Variants in ASIC2 observed in about 807,000 individuals in gnomAD.
ASIC2 encodes the protein acid sensing ion channel subunit 2, also known as acid-sensing ion channel 2.
ASIC2 carries 25 observed loss-of-function variants against 57.3 expected under a neutral mutation model. The observed-to-expected ratio is 0.44, with a 90% CI of 0.32 to 0.61. ASIC2 has a LOEUF of 0.61. Among genes scored for constraint, ASIC2 ranks in the 20% least tolerant of loss-of-function variants. The pLI is 0.06. For missense variants in ASIC2, 641 were observed against 738.1 expected, an observed-to-expected ratio of 0.87 and a Z score of 1.52; for synonymous variants, 319 against 307.5, an observed-to-expected ratio of 1.04 and a Z score of -0.39.
chr17:33,944,544 G>A (rs1916264103), intron 1 of ASIC2, among the ~76,000 whole-genome samples: 1 of 152,184 alleles, frequency 6.6e-6, no homozygotes, highest in African/African-American at 2.4e-5. Context: ...GGATGGAGAG[G>A]AGAACCTGTG....
Position 33,235,904 on chromosome 17 carries a change from T to A in ASIC2, c.708+55504A>T, listed in dbSNP as rs188575793. On this transcript the variant is annotated intron_variant, in intron 1 of 9. Transcript: ENST00000225823. ...CAGGCTGGAGTGCAATGGTGCAATCTCAGCTCACTGCGACCTCCTCCTCCC... is the reference window on the plus strand; with the variant it reads ...CAGGCTGGAGTGCAATGGTGCAATCACAGCTCACTGCGACCTCCTCCTCCC... 1.5e-3 allele frequency among the ~76,000 whole-genome samples: 222 copies of A among 151,606 alleles called. 1 individual carries two copies. Among genetic ancestry groups the A allele is most frequent in the Non-Finnish European group, 2.9e-3 (198 of 67,794 alleles).
At chr17:33,187,875 C>T (rs1390019895) in intron 1 of ASIC2, among the ~76,000 whole-genome samples, 1 of 146,658 alleles carries the variant, frequency 6.8e-6, no homozygotes, top group African/African-American at 2.5e-5. Flanking sequence ...ATTCATAACG[C>T]CTGACAGCCA....
At chr17:33,593,526 T>C (rs567482185) in intron 1 of ASIC2, among the ~76,000 whole-genome samples, 1 of 152,342 alleles carries the variant, frequency 6.6e-6, no homozygotes, top group African/African-American at 2.4e-5. Context: ...AAAGCTCAGG[T>C]TGCAATCTCA....
intron 1 of ASIC2, among the ~76,000 whole-genome samples, chr17:33,754,766 C>T (rs534081953): frequency 1.3e-5 from 2 of 151,914 alleles, no homozygotes; most frequent in East Asian, 3.9e-4. Flanking sequence ...ACCATCCTGG[C>T]CAACATGGTG....
chr17:33,722,333 A>C (rs1051820368), intron 1 of ASIC2, among the ~76,000 whole-genome samples: 1 of 152,258 alleles, frequency 6.6e-6, no homozygotes, highest in African/African-American at 2.4e-5. Context: ...TGAGTCAATT[A>C]AACCTCTTTC....
At chr17:33,589,081 A>G (rs1251917644) in intron 1 of ASIC2, among the ~76,000 whole-genome samples, 1 of 152,232 alleles carries the variant, frequency 6.6e-6, no homozygotes, top group Non-Finnish European at 1.5e-5. Context: ...TGCCACGTAT[A>G]TCAGATTCAT....
At chr17:33,228,291 A>T (rs1597640338) in intron 1 of ASIC2, among the ~76,000 whole-genome samples, 1 of 152,358 alleles carries the variant, frequency 6.6e-6, no homozygotes, top group East Asian at 1.9e-4. Flanking sequence ...AGGGCTACTG[A>T]ATCGAACACT....
chr17:33,074,633 T>C (rs1323087294), intron 3 of ASIC2, among the ~76,000 whole-genome samples: 1 of 152,210 alleles, frequency 6.6e-6, no homozygotes, highest in East Asian at 1.9e-4. Flanking sequence ...GCAGGCAGTA[T>C]TGCTCAATGG....
intron 1 of ASIC2, among the ~76,000 whole-genome samples, chr17:33,258,831 T>A (rs75569376): frequency 1.3e-5 from 2 of 152,200 alleles, no homozygotes; most frequent in African/African-American, 4.8e-5. Context: ...CCCAAGACCA[T>A]CTGGCTTCAA....
At chr17:33,395,601 CATCT>C (rs749684318) in intron 1 of ASIC2, among the ~76,000 whole-genome samples, 1 of 152,200 alleles carries the variant, frequency 6.6e-6, no homozygotes, top group Non-Finnish European at 1.5e-5. Flanking sequence ...TCTGTCCATC[CATCT>C]ATTTGTCCAT....
intron 1 of ASIC2, among the ~76,000 whole-genome samples, chr17:33,831,250 T>C (rs1263099734): frequency 6.6e-6 from 1 of 151,854 alleles, no homozygotes; most frequent in Non-Finnish European, 1.5e-5. Context: ...GTCGAGATTT[T>C]TGGGGGCCTG....
chr17:33,953,442 C>T (rs371724866), intron 1 of ASIC2, among the ~76,000 whole-genome samples: 5 of 151,986 alleles, frequency 3.3e-5, no homozygotes, highest in East Asian at 1.9e-4. Context: ...ACACTGTGAT[C>T]GTAATTTTGT....
intron 1 of ASIC2, among the ~76,000 whole-genome samples, chr17:33,659,126 C>T (rs554980783): frequency 5.3e-5 from 8 of 152,318 alleles, no homozygotes; most frequent in South Asian, 2.1e-4. Context: ...GCACGCAGGG[C>T]GGAGGGTCCT....
At chr17:33,925,917 T>C (rs1036081687) in intron 1 of ASIC2, among the ~76,000 whole-genome samples, 11 of 152,210 alleles carry the variant, frequency 7.2e-5, no homozygotes, top group African/African-American at 2.7e-4. Flanking sequence ...ATTTAAAAGA[T>C]CTTAAGAAGT....
chr17:33,539,333 T>A (rs1343363514), intron 1 of ASIC2, among the ~76,000 whole-genome samples: 1 of 152,254 alleles, frequency 6.6e-6, no homozygotes, highest in African/African-American at 2.4e-5. Flanking sequence ...AGGCTGCGCC[T>A]GCCATTGGCG....
intron 1 of ASIC2, among the ~76,000 whole-genome samples, chr17:33,824,690 C>G (rs1912852155): frequency 1.3e-5 from 2 of 152,128 alleles, no homozygotes; most frequent in Admixed American, 1.3e-4. Flanking sequence ...GGGGTCTTTC[C>G]TGTGCTATTC....
chr17:34,025,799 T>G (rs1405849339), intron 1 of ASIC2, among the ~76,000 whole-genome samples: 1 of 152,232 alleles, frequency 6.6e-6, no homozygotes, highest in East Asian at 1.9e-4. Flanking sequence ...ACTGCCCTCA[T>G]GCATCATGCA....
intron 1 of ASIC2, among the ~76,000 whole-genome samples, chr17:33,337,213 G>A (rs1159386733): frequency 6.6e-6 from 1 of 152,126 alleles, no homozygotes. Flanking sequence ...AAAGTGCTTG[G>A]ACTCTGCATC....
intron 1 of ASIC2, among the ~76,000 whole-genome samples, chr17:34,008,289 C>G (rs1221756728): frequency 1.3e-5 from 2 of 152,162 alleles, no homozygotes; most frequent in Admixed American, 1.3e-4. Flanking sequence ...CCCGCCCAAA[C>G]TTGTTCTACA....
Sources: allele counts gnomAD v4.1 joint callset (sites outside exome capture counted in the v4.1 genomes callset), GRCh38; gene constraint gnomAD v4.1.1; transcripts MANE v1.5; gene names NCBI Gene and HGNC (gene_info 2026-07-23, HGNC 2026-07-21).